Variants in GRID2 observed in about 807,000 individuals in gnomAD.
The protein encoded by GRID2 is glutamate receptor ionotropic, delta-2.
In GRID2, 33 loss-of-function variants were observed where a neutral mutation model predicts 114.8. The ratio of observed to expected loss-of-function variants is 0.29; its 90% CI spans 0.22 to 0.38. The LOEUF (loss-of-function observed/expected upper bound fraction) is 0.38. GRID2 is among the 10% of genes least tolerant of loss of function. The probability of loss-of-function intolerance (pLI) is 1.00; values close to 1 mark genes in which losing one functional copy is unlikely to be tolerated. For missense variants in GRID2, 1,184 were observed against 1,257.7 expected (o/e 0.94, Z 0.89); for synonymous variants, 505 against 449.9 (o/e 1.12, Z -1.55).
downstream of GRID2, among the ~76,000 whole-genome samples, chr4:93,778,306 A>G (rs140412238): frequency 5.5e-3 from 835 of 152,038 alleles, 3 homozygotes; most frequent in Non-Finnish European, 9.1e-3. Flanking sequence ...TACAAAAGTT[A>G]TCTATAAGAT....
chr4:92,449,247 TTTAAG>T (rs1170586264), intron 1 of GRID2, among the ~76,000 whole-genome samples: 1 of 152,032 alleles, frequency 6.6e-6, no homozygotes, highest in Non-Finnish European at 1.5e-5. Context: ...ACTCAACATT[TTTAAG>T]TTTTTGTTTT....
At chr4:92,315,317 T>C (rs1034516996) in intron 1 of GRID2, among the ~76,000 whole-genome samples, 1 of 152,196 alleles carries the variant, frequency 6.6e-6, no homozygotes, top group Admixed American at 6.5e-5. Flanking sequence ...TTAATTGATA[T>C]GTAAATATGG....
At chr4:92,758,666 C>T (rs1737843989) in intron 2 of GRID2, among the ~76,000 whole-genome samples, 1 of 152,186 alleles carries the variant, frequency 6.6e-6, no homozygotes, top group Admixed American at 6.5e-5. Flanking sequence ...ATACTTCTAA[C>T]AATAATAATG....
At chr4:92,619,251 A>G (rs1560493166) in intron 2 of GRID2, among the ~76,000 whole-genome samples, 3 of 151,554 alleles carry the variant, frequency 2.0e-5, no homozygotes, top group African/African-American at 7.3e-5. Flanking sequence ...TGATAATTCT[A>G]TTTGTGTTTC....
intron 2 of GRID2, among the ~76,000 whole-genome samples, chr4:92,739,240 C>T (rs1369538186): frequency 6.6e-6 from 1 of 152,134 alleles, no homozygotes; most frequent in Non-Finnish European, 1.5e-5. Context: ...AATATTAGCT[C>T]TTTTGTGTCA....
intron 6 of GRID2, 76 bp downstream of exon 6, chr4:93,216,987 T>C (rs1744300637): frequency 3.1e-6 from 3 of 961,630 alleles, no homozygotes; most frequent in South Asian, 2.8e-5. Flanking sequence ...ATGAGTTGCA[T>C]TGGATTCAGA....
chr4:93,326,634 G>A (rs528550267), intron 8 of GRID2, among the ~76,000 whole-genome samples: 2 of 151,836 alleles, frequency 1.3e-5, no homozygotes, highest in African/African-American at 4.8e-5. Context: ...GCAAGATAGG[G>A]AGACAGGCAT....
At chr4:93,750,998 T>C (rs970759507) in intron 14 of GRID2, among the ~76,000 whole-genome samples, 2 of 152,078 alleles carry the variant, frequency 1.3e-5, no homozygotes, top group African/African-American at 2.4e-5. Flanking sequence ...TAACTAGAGG[T>C]GAATTAAACT....
intron 8 of GRID2, among the ~76,000 whole-genome samples, chr4:93,320,803 A>G (rs1757130835): frequency 6.6e-6 from 1 of 152,146 alleles, no homozygotes; most frequent in Admixed American, 6.6e-5. Flanking sequence ...TTTATGCCAT[A>G]TTATTTCATT....
chr4:92,624,240 G>T (rs972096184), intron 2 of GRID2, among the ~76,000 whole-genome samples: 2 of 151,848 alleles, frequency 1.3e-5, no homozygotes, highest in Non-Finnish European at 2.9e-5. Flanking sequence ...CACAGAGGTG[G>T]AGTAAAGTGG....
At chr4:93,023,822 C>T (rs1028627102) in intron 2 of GRID2, among the ~76,000 whole-genome samples, 1 of 151,766 alleles carries the variant, frequency 6.6e-6, no homozygotes, top group Non-Finnish European at 1.5e-5. Flanking sequence ...ATAATGTTCA[C>T]ATTATTCTAA....
chr4:92,326,014 A>C (rs76933728), intron 1 of GRID2, among the ~76,000 whole-genome samples: 1 of 151,852 alleles, frequency 6.6e-6, no homozygotes, highest in African/African-American at 2.4e-5. Context: ...ATAATTCTAC[A>C]CATGAAAAGT....
intron 13 of GRID2, among the ~76,000 whole-genome samples, chr4:93,524,105 T>C (rs943926958): frequency 6.6e-6 from 1 of 152,068 alleles, no homozygotes; most frequent in African/African-American, 2.4e-5. Flanking sequence ...ATATATTAAC[T>C]AGGTATATGA....
chr4:93,589,049 A>G (rs1412323266), intron 13 of GRID2, among the ~76,000 whole-genome samples: 1 of 150,798 alleles, frequency 6.6e-6, no homozygotes, highest in Admixed American at 6.6e-5. Flanking sequence ...TTTATTATTT[A>G]TTTATTTTAT....
chr4:93,546,424 G>A (rs1733222848), intron 13 of GRID2, among the ~76,000 whole-genome samples: 1 of 152,152 alleles, frequency 6.6e-6, no homozygotes, highest in Admixed American at 6.5e-5. Context: ...GGCTGAGCCA[G>A]GTGACTTCAA....
intron 14 of GRID2, among the ~76,000 whole-genome samples, chr4:93,735,571 A>G (rs1331655143): frequency 1.3e-5 from 2 of 152,054 alleles, no homozygotes; most frequent in African/African-American, 4.8e-5. Flanking sequence ...TGATCAATGT[A>G]ACTCTGGTTC....
chr4:93,750,232 A>C (rs1732204837), intron 14 of GRID2, among the ~76,000 whole-genome samples: 1 of 152,378 alleles, frequency 6.6e-6, no homozygotes, highest in Admixed American at 6.5e-5. Context: ...GCACAAAATT[A>C]TAAGAAAACT....
At chr4:92,896,136 A>G (rs1477821465) in intron 2 of GRID2, among the ~76,000 whole-genome samples, 2 of 152,224 alleles carry the variant, frequency 1.3e-5, no homozygotes, top group Non-Finnish European at 2.9e-5. Flanking sequence ...ATACAATTCC[A>G]TAAGTACTAA....
intron 8 of GRID2, among the ~76,000 whole-genome samples, chr4:93,282,841 T>A (rs1360664858): frequency 6.6e-6 from 1 of 151,920 alleles, no homozygotes; most frequent in African/African-American, 2.4e-5. Flanking sequence ...GTTTACCATA[T>A]TGGCAGAAGG....
Sources: gnomAD v4.1 joint callset for allele counts (sites outside exome capture counted in the v4.1 genomes callset) on GRCh38, gnomAD v4.1.1 for gene constraint, MANE v1.5 for transcripts, NCBI Gene and HGNC (gene_info 2026-07-23, HGNC 2026-07-21) for gene names.